DOCK1: variants seen among roughly 807,000 people sequenced by gnomAD.
The protein encoded by DOCK1 is dedicator of cytokinesis protein 1.
Under a neutral mutation model 262.7 loss-of-function variants are expected in DOCK1, and 138 were observed. The ratio of observed to expected loss-of-function variants is 0.53; its 90% CI spans 0.46 to 0.61. The LOEUF (loss-of-function observed/expected upper bound fraction) is 0.61. Among genes scored for constraint, DOCK1 ranks in the 20% least tolerant of loss-of-function variants. The pLI is 0.00. For missense variants in DOCK1, 1,908 were observed against 2,370.7 expected (o/e 0.80, Z 4.05); for synonymous variants, 866 against 867.4 (o/e 1.00, Z 0.03).
chr10:127,244,142 A>G (rs976548290), intron 27 of DOCK1, among the ~76,000 whole-genome samples: 17 of 151,526 alleles, frequency 1.1e-4, no homozygotes, highest in Admixed American at 9.9e-4. Context: ...TTCAGCTTGA[A>G]CTTCAGGTAA....
chr10:127,218,068 A>G (rs1849644297), intron 27 of DOCK1, among the ~76,000 whole-genome samples: 1 of 152,198 alleles, frequency 6.6e-6, no homozygotes, highest in South Asian at 2.1e-4. Context: ...ATCTGATAAA[A>G]TAAAAGTTGA....
rs2135583012 is a variant in DOCK1 at position 127,037,741 on chromosome 10, A to G, written c.1935A>G (p.Lys645=). The G allele has an allele frequency of 6.3e-7, 1 of 1,593,926 alleles. No homozygotes were observed. The highest frequency in any genetic ancestry group is 8.5e-7 in the Non-Finnish European group (1 of 1,169,968). ...CAGTGGACCTTCTGGGGCTCTTGAAATGGCGCTCCAACACCAGCCTGCTGC... is the reference window on the plus strand; with the variant it reads ...CAGTGGACCTTCTGGGGCTCTTGAAGTGGCGCTCCAACACCAGCCTGCTGC... ...TQNVDLLGLL[K]WRSNTSLLQQ... is the part of the protein sequence containing the mutation. Residue 645 remains lysine (K), a synonymous_variant, in exon 19 of 52, where the codon AAA becomes AAG. Coordinates refer to ENST00000623213, the MANE Select transcript of DOCK1 (RefSeq NM_001290223.2).
chr10:127,442,533 A>G (rs942531316), intron 49 of DOCK1, among the ~76,000 whole-genome samples: 2 of 152,208 alleles, frequency 1.3e-5, no homozygotes, highest in African/African-American at 2.4e-5. Flanking sequence ...TGTAAATACA[A>G]CTTACTGATG....
intron 29 of DOCK1, among the ~76,000 whole-genome samples, chr10:127,261,281 A>G (rs1191564103): frequency 6.1e-5 from 3 of 49,164 alleles, no homozygotes; most frequent in Admixed American, 4.7e-4. Context: ...GTGTGCCTGC[A>G]TGTGTGTGCA....
intron 1 of DOCK1, among the ~76,000 whole-genome samples, chr10:126,927,767 A>AGACGCGTAGTCTACT (rs1317129897): frequency 6.6e-6 from 1 of 152,132 alleles, no homozygotes; most frequent in Non-Finnish European, 1.5e-5. Context: ...TTCATTCAGT[A>AGACGCGTAGTCTACT]GACGCGTAGT....
intron 29 of DOCK1, among the ~76,000 whole-genome samples, chr10:127,279,592 T>C (rs1020493103): frequency 6.6e-6 from 1 of 152,190 alleles, no homozygotes; most frequent in African/African-American, 2.4e-5. Context: ...GGGTTAAATA[T>C]AAAGCTGAAA....
chr10:127,327,798 T>G (rs1035022905), intron 29 of DOCK1, among the ~76,000 whole-genome samples: 1 of 152,128 alleles, frequency 6.6e-6, no homozygotes, highest in African/African-American at 2.4e-5. Context: ...AAGACCTCAA[T>G]AAGGAAAATG....
chr10:126,915,437 G>C (rs942382090), intron 1 of DOCK1, among the ~76,000 whole-genome samples: 1 of 149,014 alleles, frequency 6.7e-6, no homozygotes, highest in Admixed American at 6.8e-5. Context: ...GGGCGGGGGG[G>C]GGATGGAGTC....
chr10:126,905,907 C>T (rs906898303), intron 1 of DOCK1, among the ~76,000 whole-genome samples: 3 of 152,238 alleles, frequency 2.0e-5, no homozygotes, highest in East Asian at 2.0e-4. Flanking sequence ...CCGGCCCCGG[C>T]CGCTGCTATC....
intron 29 of DOCK1, among the ~76,000 whole-genome samples, chr10:127,296,097 C>G (rs1448293643): frequency 6.6e-6 from 1 of 152,152 alleles, no homozygotes; most frequent in Non-Finnish European, 1.5e-5. Context: ...GTTGTACTTG[C>G]CGTATAATTT....
chr10:127,028,833 CCAAG>C (rs1412587498), intron 16 of DOCK1, among the ~76,000 whole-genome samples: 1 of 152,114 alleles, frequency 6.6e-6, no homozygotes, highest in African/African-American at 2.4e-5. Flanking sequence ...GTGTCCTCGA[CCAAG>C]GCATGGAGGG....
chr10:127,397,402 T>C (rs1308944418), intron 38 of DOCK1, among the ~76,000 whole-genome samples: 7 of 149,516 alleles, frequency 4.7e-5, no homozygotes, highest in African/African-American at 1.7e-4. Context: ...GATCTGAGCA[T>C]GAGTTACATG....
At chr10:127,332,527 G>A (rs189476393) in intron 29 of DOCK1, among the ~76,000 whole-genome samples, 75 of 152,132 alleles carry the variant, frequency 4.9e-4, no homozygotes, top group African/African-American at 1.8e-3. Flanking sequence ...AAGCAAATAT[G>A]CAGACTCCAG....
At chr10:127,331,944 G>A (rs1299948323) in intron 29 of DOCK1, among the ~76,000 whole-genome samples, 1 of 152,204 alleles carries the variant, frequency 6.6e-6, no homozygotes, top group Non-Finnish European at 1.5e-5. Context: ...GAACTTAGGG[G>A]GTGCTCACCA....
chr10:127,347,550 C>T (rs1034191629), intron 31 of DOCK1, among the ~76,000 whole-genome samples: 6 of 152,024 alleles, frequency 3.9e-5, no homozygotes, highest in Admixed American at 6.5e-5. Context: ...TCTGGGTTGT[C>T]GAAGTGTAAG....
chr10:127,287,828 A>G (rs1564966260), intron 29 of DOCK1, among the ~76,000 whole-genome samples: 1 of 152,152 alleles, frequency 6.6e-6, no homozygotes, highest in Non-Finnish European at 1.5e-5. Context: ...GATTCCTTCA[A>G]TATACAGTAG....
At chr10:126,924,933 C>A (rs1457072286) in intron 1 of DOCK1, among the ~76,000 whole-genome samples, 1 of 152,236 alleles carries the variant, frequency 6.6e-6, no homozygotes, top group Non-Finnish European at 1.5e-5. Context: ...TTCCATTGTA[C>A]AAACTCAGTA....
chr10:127,403,451 ATT>A (rs1394623725), intron 39 of DOCK1, among the ~76,000 whole-genome samples: 2 of 152,224 alleles, frequency 1.3e-5, no homozygotes, highest in Non-Finnish European at 2.9e-5. Context: ...GTCTGTGAAC[ATT>A]TGTACTAGTT....
At chr10:127,370,345 G>A (rs778802974) in intron 33 of DOCK1, among the ~76,000 whole-genome samples, 2 of 152,046 alleles carry the variant, frequency 1.3e-5, no homozygotes, top group Non-Finnish European at 2.9e-5. Context: ...TGATAACCTC[G>A]GAGCCCTCCA....
Sources: allele counts gnomAD v4.1 joint callset (sites outside exome capture counted in the v4.1 genomes callset), GRCh38; gene constraint gnomAD v4.1.1; transcripts MANE v1.5; gene names NCBI Gene and HGNC (gene_info 2026-07-23, HGNC 2026-07-21).